The following MYO5C variants were observed in gnomAD, a reference collection of about 807,000 sequenced individuals.
MYO5C encodes the protein myosin VC.
A neutral mutation model predicts 235.7 loss-of-function variants in MYO5C; 194 were observed. The observed-to-expected ratio is 0.82, with a 90% CI of 0.73 to 0.93. The LOEUF (loss-of-function observed/expected upper bound fraction) is 0.93. MYO5C is among the 40% of genes least tolerant of loss of function. MYO5C has a pLI of 0.00. For missense variants in MYO5C, 2,038 were observed against 2,127.2 expected, an observed-to-expected ratio of 0.96 and a Z score of 0.82; for synonymous variants, 707 against 754.8, an observed-to-expected ratio of 0.94 and a Z score of 1.04.
chr15:52,280,109 C>T (rs1010717441), intron 2 of MYO5C, among the ~76,000 whole-genome samples: 11 of 152,228 alleles, frequency 7.2e-5, no homozygotes, highest in Admixed American at 2.0e-4. Context: ...GATGCTGCAG[C>T]TAAAATGACA....
At chr15:52,250,882 T>G (rs1007644952) in intron 13 of MYO5C, 2 of 152,180 alleles carry the variant, frequency 1.3e-5, no homozygotes, top group African/African-American at 4.8e-5. Flanking sequence ...TAACAAAAAT[T>G]TTTCATTTTA....
chr15:52,235,647 G>C (rs773945391), intron 23 of MYO5C, 23 bp downstream of exon 23: 1 of 1,570,918 alleles, frequency 6.4e-7, no homozygotes. Flanking sequence ...TGAATGTCTG[G>C]ATTTGTGCCC....
At chr15:52,208,248 A>G (rs2035365780) in intron 36 of MYO5C, among the ~76,000 whole-genome samples, 1 of 152,244 alleles carries the variant, frequency 6.6e-6, no homozygotes, top group Non-Finnish European at 1.5e-5. Flanking sequence ...AGAAACAGGC[A>G]TTTTAAACCA....
At position 52,225,516 on chromosome 15, in the gene MYO5C, T is replaced by G. The variant is rs760484533; in HGVS notation, c.3224A>C (p.Glu1075Ala). 3 of 1,612,974 alleles carry G rather than the reference T, an allele frequency of 1.9e-6. No individual in the cohort carries two copies. Among genetic ancestry groups the G allele is most frequent in the Non-Finnish European group, 2.5e-6 (3 of 1,179,462 alleles). Residue 1075 changes from glutamate to alanine, a missense_variant, in exon 26 of 41, where the codon GAA becomes GCA. By Grantham distance (107) the Glu-to-Ala change is moderately radical. Transcript: ENST00000261839. Reference protein sequence around the residue: ...SKQVKTISEFEKEIELLQAQK... With the variant: ...SKQVKTISEFAKEIELLQAQK... Reference sequence around the variant, plus strand: ...TGCCTGAAGTAGTTCTATCTCTTTTTCGAACTCAGAGATTGTCTGAATCAC... The same window carrying G: ...TGCCTGAAGTAGTTCTATCTCTTTTGCGAACTCAGAGATTGTCTGAATCAC...
chr15:52,208,429 G>A, intron 36 of MYO5C, 125 bp downstream of exon 36: 1 of 818,604 alleles, frequency 1.2e-6, no homozygotes, highest in East Asian at 2.5e-5. Flanking sequence ...ATGCCCAAGA[G>A]TCCAACAGAT....
chr15:52,236,031 C>T (rs936682863), intron 22 of MYO5C, among the ~76,000 whole-genome samples: 1 of 152,182 alleles, frequency 6.6e-6, no homozygotes, highest in Non-Finnish European at 1.5e-5. Context: ...AAGGGCTCCT[C>T]AATGTCAAGG....
chr15:52,281,952 G>T (rs2037170048), intron 2 of MYO5C, among the ~76,000 whole-genome samples: 1 of 152,206 alleles, frequency 6.6e-6, no homozygotes, highest in Non-Finnish European at 1.5e-5. Context: ...CCAGATACTT[G>T]ATTCTAAACC....
chr15:52,271,749 G>T lies in MYO5C; in HGVS notation c.832+14C>A. 2 of 1,467,270 alleles carry T rather than the reference G, an allele frequency of 1.4e-6. No individual in the cohort carries two copies. Among genetic ancestry groups the T allele is most frequent in the Non-Finnish European group, 1.8e-6 (2 of 1,081,526 alleles). 90.9% of individuals were successfully genotyped at this position (1,467,270 alleles called of 1,614,324 possible). Reference sequence around the variant, plus strand: ...ATAAAAGAGAGACCCTTTCATACACGATCCATCACATACCCAATTTAAGAT... The same window carrying T: ...ATAAAAGAGAGACCCTTTCATACACTATCCATCACATACCCAATTTAAGAT... On this transcript the variant is annotated intron_variant, in intron 7 of 40. Transcript: ENST00000261839.
chr15:52,294,100 C>T (rs2037449485), intron 1 of MYO5C, among the ~76,000 whole-genome samples: 1 of 152,246 alleles, frequency 6.6e-6, no homozygotes, highest in Admixed American at 6.5e-5. Flanking sequence ...TATCAGTTTT[C>T]TTACATTGTG....
In MYO5C at chr15:52,238,680, T is replaced by C. The variant is rs118111177; in HGVS notation, c.2704-1034A>G. Among the ~76,000 whole-genome samples the C allele has an allele frequency of 5.0e-3, 769 of 152,312 alleles. 15 individuals carry two copies. Among genetic ancestry groups the C allele is most frequent in the Admixed American group, 0.027 (409 of 15,302 alleles). The stretch of plus-strand genomic sequence containing the variant: ...TTTGAGATGGAGTCTCGTTCTCTGT[T>C]GCCCAGGCTGGAGTGCAGTGGCGCG... On this transcript the variant is annotated intron_variant, in intron 21 of 40. Transcript: ENST00000261839.
chr15:52,215,608 G>T (rs1382289163), intron 32 of MYO5C, among the ~76,000 whole-genome samples: 1 of 152,106 alleles, frequency 6.6e-6, no homozygotes, highest in African/African-American at 2.4e-5. Context: ...CTTAGAAGTG[G>T]CGGTGTCAGT....
chr15:52,219,924 G>A (rs1365299654), intron 30 of MYO5C, 102 bp from the exon 31 acceptor site: 1 of 813,016 alleles, frequency 1.2e-6, no homozygotes, highest in Admixed American at 2.3e-5. Flanking sequence ...TAAACTAGGG[G>A]TGTCCGATCT....
intron 37 of MYO5C, 25 bp from the exon 38 acceptor site, chr15:52,205,172 C>T: frequency 1.2e-6 from 2 of 1,608,112 alleles, no homozygotes; most frequent in Non-Finnish European, 1.7e-6. Flanking sequence ...GGAGGCTGTG[C>T]TGACACGCCA....
intron 19 of MYO5C, among the ~76,000 whole-genome samples, chr15:52,243,799 C>T (rs1249075419): frequency 2.6e-5 from 4 of 152,188 alleles, no homozygotes; most frequent in Non-Finnish European, 4.4e-5. Context: ...CAGGACCCCT[C>T]GAGGCAGGTA....
chr15:52,214,545 A>C lies in MYO5C; in HGVS notation c.4042+58T>G, dbSNP rs1029263212. 1.9e-5 allele frequency: 23 copies of C among 1,215,342 alleles called. No homozygotes were observed. The African/African-American group carries it at 3.5e-4, about 19-fold the overall frequency. 75.3% of individuals were successfully genotyped at this position (1,215,342 alleles called of 1,614,324 possible). On this transcript the variant is annotated intron_variant, in intron 33 of 40. Transcript: ENST00000261839. ...GCTTTGGACCAGAAAGAAAATAAAC[A>C]CTTGAGCGCATGTTAGCCTTAGCTC...
intron 11 of MYO5C, among the ~76,000 whole-genome samples, chr15:52,254,188 C>G (rs560456520): frequency 6.6e-6 from 1 of 152,334 alleles, no homozygotes; most frequent in Non-Finnish European, 1.5e-5. Flanking sequence ...TTAGAGAATT[C>G]TGGGCCTATG....
chr15:52,258,307 A>G (rs142609694), intron 10 of MYO5C, among the ~76,000 whole-genome samples: 100 of 152,320 alleles, frequency 6.6e-4, no homozygotes, highest in African/African-American at 2.3e-3. Flanking sequence ...TCACCCTGCA[A>G]GAGAGGCCCC....
chr15:52,291,604 G>C (rs928380925), intron 1 of MYO5C, among the ~76,000 whole-genome samples: 1 of 151,874 alleles, frequency 6.6e-6, no homozygotes, highest in Non-Finnish European at 1.5e-5. Flanking sequence ...CAAAACTAGC[G>C]GCCAAACCTA....
chr15:52,234,666 G>T (rs761115959), intron 23 of MYO5C, among the ~76,000 whole-genome samples: 6 of 152,154 alleles, frequency 3.9e-5, no homozygotes, highest in African/African-American at 1.4e-4. Flanking sequence ...GAGACAGGGT[G>T]GAGGGCACGC....
Sources: allele counts gnomAD v4.1 joint callset (sites outside exome capture counted in the v4.1 genomes callset), GRCh38; gene constraint gnomAD v4.1.1; transcripts MANE v1.5; gene names NCBI Gene and HGNC (gene_info 2026-07-23, HGNC 2026-07-21).